FERMT3: variants seen among roughly 807,000 people sequenced by gnomAD.
The protein encoded by FERMT3 is fermitin family homolog 3.
FERMT3 carries 33 observed loss-of-function variants against 80.8 expected under a neutral mutation model. The ratio of observed to expected loss-of-function variants is 0.41; its 90% confidence interval spans 0.31 to 0.55. FERMT3 has a LOEUF of 0.55. Among genes scored for constraint, FERMT3 ranks in the 20% least tolerant of loss-of-function variants. The pLI is 0.31. For missense variants in FERMT3, 754 were observed against 908.7 expected (o/e 0.83, Z 2.19); for synonymous variants, 375 against 372.2 (o/e 1.01, Z -0.09).
chr11:64,218,096 C>T (rs866766074), intron 6 of FERMT3, among the ~76,000 whole-genome samples: 9 of 151,708 alleles, frequency 5.9e-5, no homozygotes, highest in Non-Finnish European at 1.5e-5. Context: ...CTCCGCCTCC[C>T]GGGTTCACGC....
rs1021274000 is a variant in FERMT3, at chr11:64,219,975, C to T, written c.1164C>T (p.Asp388=). 6 of 1,613,734 alleles carry T rather than the reference C, an allele frequency of 3.7e-6. No individual in the cohort carries two copies. Among genetic ancestry groups the T allele is most frequent in the Non-Finnish European group, 4.2e-6 (5 of 1,179,986 alleles). The change falls in exon 10 of 15, where the codon GAC becomes GAT. Residue 388 remains aspartate, a synonymous_variant. Transcript: ENST00000345728. This position sits in a 1 kb window ranked among gnomAD's most constrained non-coding sequence, Gnocchi z 4.0. ...ETTLSYYKSQ[D]EAPGDPIQQL... is the part of the protein sequence containing the mutation. ...CACTGTCCTACTACAAGAGCCAGGA[C>T]GAGGCCCCTGGGGACCCCATTCAGC...
chr11:64,208,803 A>G (rs1433029467), intron 2 of FERMT3, among the ~76,000 whole-genome samples: 1 of 152,024 alleles, frequency 6.6e-6, no homozygotes, highest in Non-Finnish European at 1.5e-5. Flanking sequence ...CGTGACCAGA[A>G]ATGAGGCTGG....
At chr11:64,206,022 C>T (rs967799306), upstream of FERMT3, among the ~76,000 whole-genome samples, 16 of 152,206 alleles carry the variant, frequency 1.1e-4, no homozygotes, top group African/African-American at 3.6e-4. Context: ...ACCAGAGACC[C>T]CTGAGGTGTC....
At position 64,219,733 on chromosome 11, in the gene FERMT3, C is replaced by T. The variant is rs753575419; in HGVS notation, c.1030-7C>T. The T allele has an allele frequency of 6.2e-6, 10 of 1,613,628 alleles. No homozygotes were observed. The East Asian group carries it at 1.6e-4, about 25-fold the overall frequency. Reference sequence around the variant, plus strand: ...CGGGTGCCCCTCTGACTCTGGTCCTCCCATAGGACAGCCTCACCACCATCC... The same window carrying T: ...CGGGTGCCCCTCTGACTCTGGTCCTTCCATAGGACAGCCTCACCACCATCC... On this transcript the variant is annotated splice_region_variant and splice_polypyrimidine_tract_variant and intron_variant, in intron 8 of 14. Transcript: ENST00000345728. This position sits in a 1 kb window ranked among gnomAD's most constrained non-coding sequence, Gnocchi z 4.0.
Position 64,210,813 on chromosome 11 carries a change from C to T in FERMT3, c.363C>T (p.Phe121=). 6.2e-7 allele frequency: 1 copy of T among 1,613,422 alleles called. No homozygotes were observed. The highest frequency in any genetic ancestry group is 1.1e-5 in the South Asian group (1 of 91,090). ...RLRASFSQPL[F]QAVAAICRLL... ...GTGCCAGCTTCTCCCAGCCCCTCTT[C>T]CAGGCTGTGGCTGCCATCTGCCGCC... The change falls in exon 3 of 15, where the codon TTC becomes TTT. Residue 121 remains phenylalanine, a synonymous_variant. Coordinates refer to ENST00000345728, the MANE Select transcript of FERMT3 (RefSeq NM_031471.6). The surrounding 1 kb of genome is among the most constrained non-coding windows in gnomAD (Gnocchi z 4.3).
At chr11:64,215,277 A>G (rs1946526260) in intron 6 of FERMT3, among the ~76,000 whole-genome samples, 1 of 152,190 alleles carries the variant, frequency 6.6e-6, no homozygotes, top group South Asian at 2.1e-4. Context: ...GCTTTAATTT[A>G]CATTTCCCTG....
At chr11:64,207,580 GTC>G in intron 2 of FERMT3, 56 bp downstream of exon 2, 1 of 1,562,606 alleles carries the variant, frequency 6.4e-7, no homozygotes, top group Admixed American at 1.7e-5. Context: ...CGCCACGGGT[GTC>G]TCTGGGCACT....
intron 12 of FERMT3, 125 bp from the exon 13 acceptor site, chr11:64,220,891 G>A (rs898428296): frequency 1.4e-5 from 22 of 1,527,224 alleles, no homozygotes; most frequent in Admixed American, 8.7e-5. Context: ...GCACCTTGGC[G>A]GCCCCACGTG....
In FERMT3 at chr11:64,211,438, C is replaced by T; in HGVS notation, c.678C>T (p.His226=). 6.3e-7 allele frequency: 1 copy of T among 1,589,418 alleles called. No individual in the cohort carries two copies. Among genetic ancestry groups the T allele is most frequent in the South Asian group, 1.1e-5 (1 of 88,430 alleles). ...CCCTGTCAGACAAGACCCAGCTCCA[C>T]AGCAGGTGCACCCAGGAGCCACGCC... ...PSSLSDKTQL[H]SRWLDSSRCL... The change falls in exon 5 of 15, where the codon CAC becomes CAT. Residue 226 remains histidine (H), a synonymous_variant. Transcript: ENST00000345728. This position sits in a 1 kb window ranked among gnomAD's most constrained non-coding sequence, Gnocchi z 4.7.
rs767110182 is a variant in FERMT3, at chr11:64,211,945, G to C, written c.786+198G>C. On this transcript the variant is annotated intron_variant, in intron 6 of 14. Coordinates refer to ENST00000345728, the MANE Select transcript of FERMT3 (RefSeq NM_031471.6). This position sits in a 1 kb window ranked among gnomAD's most constrained non-coding sequence, Gnocchi z 4.7. The stretch of plus-strand genomic sequence containing the variant: ...CACCTCAGCATCAGGCCAGGTCCTG[G>C]GCCCCGGGCAGATGCTGAAGCGGAT... Among the ~76,000 whole-genome samples the C allele has an allele frequency of 2.0e-5, 3 of 152,196 alleles. No individual in the cohort carries two copies. Among genetic ancestry groups the C allele is most frequent in the Non-Finnish European group, 2.9e-5 (2 of 68,044 alleles).
At position 64,209,317 on chromosome 11, in the gene FERMT3, G is replaced by T. The variant is rs550342144; in HGVS notation, c.161-1294G>T. ...TGGAAAGGAGGAAGCCGGTGGACAG[G>T]CCCCTCAGCTGGCAGCACATGGGTT... is the stretch of plus-strand genomic sequence containing the variant. On this transcript the variant is annotated intron_variant, in intron 2 of 14. Transcript: ENST00000345728. 2.6e-5 allele frequency among the ~76,000 whole-genome samples: 4 copies of T among 152,360 alleles called. No homozygotes were observed. The South Asian group carries it at 8.3e-4, about 32-fold the overall frequency.
chr11:64,207,828 A>C, intron 2 of FERMT3: 1 of 313,728 alleles, frequency 3.2e-6, no homozygotes, highest in Non-Finnish European at 6.0e-6. Flanking sequence ...CTGAAGTCAC[A>C]TTGCTGAGGT....
chr11:64,207,373 G>A lies in FERMT3; in HGVS notation c.9G>A (p.Gly3=), dbSNP rs1336370957. Residue 3 remains glycine (G), a synonymous_variant, in exon 2 of 15, where the codon GGG becomes GGA. Coordinates refer to ENST00000345728, the MANE Select transcript of FERMT3 (RefSeq NM_031471.6). The part of the protein sequence containing the change: MA[G]MKTASGDYID... Reference sequence around the variant, plus strand: ...TAGCAGCAGCCGCAGCCATGGCGGGGATGAAGACAGCCTCCGGGGACTACA... The same window carrying A: ...TAGCAGCAGCCGCAGCCATGGCGGGAATGAAGACAGCCTCCGGGGACTACA... 11 of 1,614,190 alleles carry A rather than the reference G, an allele frequency of 6.8e-6. No individual in the cohort carries two copies. Among genetic ancestry groups the A allele is most frequent in the Admixed American group, 1.7e-5 (1 of 60,020 alleles).
intron 6 of FERMT3, among the ~76,000 whole-genome samples, chr11:64,213,781 C>T (rs186621445): frequency 7.9e-5 from 12 of 152,018 alleles, no homozygotes; most frequent in South Asian, 4.2e-4. Flanking sequence ...AGACTGGTCT[C>T]GAACTCCTGA....
intron 2 of FERMT3, among the ~76,000 whole-genome samples, chr11:64,209,612 C>T (rs991617299): frequency 3.9e-4 from 60 of 152,234 alleles, no homozygotes; most frequent in African/African-American, 1.3e-3. Flanking sequence ...CTGGGGTGCC[C>T]AGGAGGGAAG....
Position 64,219,203 on chromosome 11 carries a change from C to T in FERMT3, c.787-48C>T. The T allele has an allele frequency of 6.5e-7, 1 of 1,527,348 alleles. No individual in the cohort carries two copies. The highest frequency in any genetic ancestry group is 8.9e-7 in the Non-Finnish European group (1 of 1,126,158). The allele number at this position is 1,527,348 out of a possible 1,614,324, so 94.6% of individuals were successfully genotyped here. On this transcript the variant is annotated intron_variant, in intron 6 of 14. Coordinates refer to ENST00000345728, the MANE Select transcript of FERMT3 (RefSeq NM_031471.6). This position sits in a 1 kb window ranked among gnomAD's most constrained non-coding sequence, Gnocchi z 4.0. ...GCTCAGTGCAGGGCGTCCAGGGCAGCTGGCATCTGACCAGCCCAGCCTCCA... is the reference window on the plus strand; with the variant it reads ...GCTCAGTGCAGGGCGTCCAGGGCAGTTGGCATCTGACCAGCCCAGCCTCCA...
intron 6 of FERMT3, among the ~76,000 whole-genome samples, chr11:64,215,385 T>A (rs1319646829): frequency 6.6e-6 from 1 of 152,218 alleles, no homozygotes; most frequent in Admixed American, 6.5e-5. Context: ...AATTGTCATA[T>A]TGAGTCGTTT....
intron 6 of FERMT3, among the ~76,000 whole-genome samples, chr11:64,213,981 C>T (rs1010867427): frequency 6.6e-6 from 1 of 152,206 alleles, no homozygotes; most frequent in African/African-American, 2.4e-5. Flanking sequence ...ACATTCTCTT[C>T]CCTGCCCACA....
In FERMT3 at chr11:64,211,117, G is replaced by A; in HGVS notation, c.460G>A (p.Glu154Lys). The change falls in exon 4 of 15, where the codon GAG becomes AAG. Residue 154 changes from glutamate to lysine, a missense_variant. Physicochemically the swap from Glu to Lys is moderately conservative, Grantham distance 56 (BLOSUM62 1). Coordinates refer to ENST00000345728, the MANE Select transcript of FERMT3 (RefSeq NM_031471.6). The surrounding 1 kb of genome is among the most constrained non-coding windows in gnomAD (Gnocchi z 4.7). ...TGAGAAGAAGGAGAAGAAGAAGAAAGAGAAGGAGCCAGAGGAAGAGCTCTA... is the reference window on the plus strand; with the variant it reads ...TGAGAAGAAGGAGAAGAAGAAGAAAAAGAAGGAGCCAGAGGAAGAGCTCTA... ...APEKKEKKKKEKEPEEELYDL... is the reference protein window; with the variant it reads ...APEKKEKKKKKKEPEEELYDL... 1 of 1,559,202 alleles carries A rather than the reference G, an allele frequency of 6.4e-7. No homozygotes were observed.
Sources: allele counts gnomAD v4.1 joint callset (sites outside exome capture counted in the v4.1 genomes callset), GRCh38; gene constraint gnomAD v4.1.1; non-coding constraint Gnocchi (gnomAD v3.1); transcripts MANE v1.5; gene names NCBI Gene and HGNC (gene_info 2026-07-23, HGNC 2026-07-21).